Variants in NDST4 observed in about 807,000 individuals in gnomAD.
The protein encoded by NDST4 is N-deacetylase and N-sulfotransferase 4, also known as N-heparan sulfate sulfotransferase 4.
In NDST4, 63 loss-of-function variants were observed where a neutral mutation model predicts 100.8. The ratio of observed to expected loss-of-function variants is 0.62; its 90% CI spans 0.51 to 0.77. The LOEUF (loss-of-function observed/expected upper bound fraction) is 0.77, where lower values mean the gene tolerates loss of function less well. NDST4 is among the 30% of genes least tolerant of loss of function. The pLI, the probability that NDST4 is intolerant of heterozygous loss-of-function variation, is 0.00. For synonymous variants in NDST4, 377 were observed against 361.8 expected (o/e 1.04, Z -0.48); for missense variants, 943 against 1,018.4 (o/e 0.93, Z 1.01).
chr4:114,862,728 G>A (rs990713571), intron 7 of NDST4, among the ~76,000 whole-genome samples: 4 of 152,050 alleles, frequency 2.6e-5, no homozygotes, highest in African/African-American at 7.2e-5. Context: ...AAGAGTTGTC[G>A]TTGTCTCCAA....
chr4:114,998,098 C>G (rs1463127958), intron 2 of NDST4, among the ~76,000 whole-genome samples: 1 of 151,974 alleles, frequency 6.6e-6, no homozygotes, highest in Non-Finnish European at 1.5e-5. Flanking sequence ...ACTTAGAGGA[C>G]CTAAGGATTA....
At chr4:115,022,473 G>GTGTTCCATATATATGTTCCATATATATA (rs1727876837) in intron 2 of NDST4, among the ~76,000 whole-genome samples, 1 of 63,340 alleles carries the variant, frequency 1.6e-5, no homozygotes, top group African/African-American at 7.4e-5. Flanking sequence ...CCATATATAT[G>GTGTTCCATATATATGTTCCATATATATA]TGTTCCATAT....
intron 2 of NDST4, among the ~76,000 whole-genome samples, chr4:115,002,188 G>T (rs1242263740): frequency 2.0e-5 from 3 of 152,156 alleles, no homozygotes; most frequent in Non-Finnish European, 4.4e-5. Context: ...TTTAATAATT[G>T]TCAGTCTAGC....
intron 10 of NDST4, among the ~76,000 whole-genome samples, chr4:114,845,076 TC>T (rs1468113055): frequency 6.6e-6 from 1 of 152,174 alleles, no homozygotes; most frequent in African/African-American, 2.4e-5. Context: ...ATGCTTGTAG[TC>T]CCAAAATTTT....
At chr4:114,995,986 G>T (rs962836231) in intron 2 of NDST4, among the ~76,000 whole-genome samples, 1 of 151,918 alleles carries the variant, frequency 6.6e-6, no homozygotes, top group African/African-American at 2.4e-5. Flanking sequence ...TATTCATGAA[G>T]AAACAAAAAA....
chr4:114,896,118 C>A (rs2126208039), intron 6 of NDST4, among the ~76,000 whole-genome samples: 1 of 152,158 alleles, frequency 6.6e-6, no homozygotes, highest in Non-Finnish European at 1.5e-5. Flanking sequence ...ATGAATTTTT[C>A]TGGGAATTAG....
At chr4:115,044,812 T>G (rs1327091122) in intron 2 of NDST4, among the ~76,000 whole-genome samples, 1 of 147,608 alleles carries the variant, frequency 6.8e-6, no homozygotes, top group Non-Finnish European at 1.5e-5. Flanking sequence ...AAAGGCCAGG[T>G]AAGTTTCATG....
chr4:114,895,200 C>G (rs764519227), intron 6 of NDST4, among the ~76,000 whole-genome samples: 1 of 151,814 alleles, frequency 6.6e-6, no homozygotes, highest in Non-Finnish European at 1.5e-5. Flanking sequence ...AATCCAGGAG[C>G]TGGGTTTTTG....
At chr4:115,098,237 G>T (rs546943477) in intron 1 of NDST4, among the ~76,000 whole-genome samples, 2 of 152,142 alleles carry the variant, frequency 1.3e-5, no homozygotes, top group Admixed American at 1.3e-4. Context: ...GGATTGAAAA[G>T]GTAGGTAGGT....
chr4:114,933,631 G>A (rs149979045), intron 6 of NDST4, among the ~76,000 whole-genome samples: 6 of 151,676 alleles, frequency 4.0e-5, no homozygotes, highest in African/African-American at 1.4e-4. Flanking sequence ...TCCAAAATAC[G>A]TATCAGGAAC....
intron 2 of NDST4, among the ~76,000 whole-genome samples, chr4:115,001,845 G>A (rs1179382519): frequency 6.6e-6 from 1 of 152,094 alleles, no homozygotes; most frequent in Non-Finnish European, 1.5e-5. Context: ...TTCACTGTGT[G>A]CATTTTCCCA....
chr4:114,833,540 C>T, intron 12 of NDST4, 66 bp downstream of exon 12: 1 of 1,013,766 alleles, frequency 9.9e-7, no homozygotes, highest in South Asian at 1.3e-5. Context: ...GTTATATACA[C>T]ACCTACCAGT....
At chr4:114,924,099 G>T (rs780784419) in intron 6 of NDST4, among the ~76,000 whole-genome samples, 1 of 151,966 alleles carries the variant, frequency 6.6e-6, no homozygotes, top group East Asian at 1.9e-4. Context: ...CAGAGTTCAA[G>T]TTCAGGAGGC....
At chr4:114,856,817 C>A (rs1277489588) in intron 7 of NDST4, among the ~76,000 whole-genome samples, 1 of 152,186 alleles carries the variant, frequency 6.6e-6, no homozygotes, top group Non-Finnish European at 1.5e-5. Flanking sequence ...GACAAGCATA[C>A]AAAGTTTTAG....
intron 2 of NDST4, among the ~76,000 whole-genome samples, chr4:115,037,037 G>A (rs1728248188): frequency 6.6e-6 from 1 of 151,872 alleles, no homozygotes; most frequent in African/African-American, 2.4e-5. Flanking sequence ...GATGAGAGAA[G>A]GAAACAGAAA....
At chr4:114,836,380 T>G (rs1723305727) in intron 11 of NDST4, among the ~76,000 whole-genome samples, 1 of 152,180 alleles carries the variant, frequency 6.6e-6, no homozygotes, top group Admixed American at 6.5e-5. Context: ...AAGCTTAGTG[T>G]GGCTAAATAT....
At chr4:115,078,798 C>A (rs954154717) in intron 1 of NDST4, among the ~76,000 whole-genome samples, 6 of 151,994 alleles carry the variant, frequency 3.9e-5, no homozygotes, top group African/African-American at 1.4e-4. Flanking sequence ...TGAGATTGTG[C>A]CACTGCACTC....
At chr4:114,852,658 C>A in intron 8 of NDST4, 67 bp downstream of exon 8, 2 of 837,740 alleles carry the variant, frequency 2.4e-6, no homozygotes, top group South Asian at 1.7e-5. Context: ...CTGATAAATC[C>A]ATATACCAAT....
At chr4:115,081,956 T>C (rs2126291758) in intron 1 of NDST4, among the ~76,000 whole-genome samples, 1 of 152,310 alleles carries the variant, frequency 6.6e-6, no homozygotes, top group East Asian at 1.9e-4. Context: ...CCAATTCTTC[T>C]TAATCTGACT....
Sources: allele counts gnomAD v4.1 joint callset (sites outside exome capture counted in the v4.1 genomes callset), GRCh38; gene constraint gnomAD v4.1.1; transcripts MANE v1.5; gene names NCBI Gene and HGNC (gene_info 2026-07-23, HGNC 2026-07-21).